The following AREL1 variants were observed in gnomAD, a reference collection of about 807,000 sequenced individuals.
The protein encoded by AREL1 is apoptosis resistant E3 ubiquitin protein ligase 1, also known as apoptosis-resistant E3 ubiquitin protein ligase 1.
A neutral mutation model predicts 99.0 loss-of-function variants in AREL1; 62 were observed. The ratio of observed to expected loss-of-function variants is 0.63; its 90% confidence interval spans 0.51 to 0.77. The LOEUF (loss-of-function observed/expected upper bound fraction) is 0.77, where lower values mean the gene tolerates loss of function less well. Among genes scored for constraint, AREL1 ranks in the 30% least tolerant of loss-of-function variants. The pLI, the probability that AREL1 is intolerant of heterozygous loss-of-function variation, is 0.00. For missense variants in AREL1, 879 were observed against 1,027.6 expected (o/e 0.86, Z 1.98); for synonymous variants, 380 against 376.5 (o/e 1.01, Z -0.11).
rs755695104 is a variant in AREL1, at chr14:74,713,041, A to G, written c.-442T>C. On this transcript the variant is annotated 5_prime_UTR_variant, in exon 1 of 20. Coordinates refer to ENST00000356357, the MANE Select transcript of AREL1 (RefSeq NM_001039479.2). ...CCACTCTCCCACCAACAGACCCCAG[A>G]GTTGGTCTCCACCCGGCCTGGGAAC... 7.9e-7 allele frequency: 1 copy of G among 1,262,232 alleles called. No individual in the cohort carries two copies. The highest frequency in any genetic ancestry group is 2.3e-5 in the East Asian group (1 of 42,992). 78.2% of individuals were successfully genotyped at this position (1,262,232 alleles called of 1,614,324 possible).
chr14:74,688,321 G>A (rs907091323), intron 2 of AREL1, among the ~76,000 whole-genome samples: 8 of 151,932 alleles, frequency 5.3e-5, no homozygotes, highest in South Asian at 2.1e-4. Context: ...CACCACGCCC[G>A]GCCCTGAGTA....
intron 1 of AREL1, among the ~76,000 whole-genome samples, chr14:74,711,289 C>A (rs1176127869): frequency 2.0e-5 from 3 of 150,044 alleles, no homozygotes; most frequent in Non-Finnish European, 4.4e-5. Context: ...TCTGTAATCC[C>A]AGAACTTTGG....
rs71449202 is a variant in AREL1, at chr14:74,666,718, A to ATT, written c.2103+599_2103+600dup. ...TATTAACATTCTTTACTACTCATTGATTTTTTTTTTTTTTTTTTTGAGACA... is the reference window on the plus strand; with the variant it reads ...TATTAACATTCTTTACTACTCATTGATTTTTTTTTTTTTTTTTTTTTGAGACA... On this transcript the variant is annotated intron_variant, in intron 17 of 19. Transcript: ENST00000356357. 1.9e-4 allele frequency among the ~76,000 whole-genome samples: 25 copies of ATT among 131,976 alleles called. 1 individual carries two copies. Among genetic ancestry groups the ATT allele is most frequent in the African/African-American group, 3.1e-4 (11 of 34,978 alleles). 86.6% of individuals were successfully genotyped at this position (131,976 alleles called of 152,430 possible). A position where few individuals can be genotyped will look rare whatever the true frequency, so the allele number is the denominator to read the frequency against.
rs745630286 is a variant in AREL1 at position 74,684,093 on chromosome 14, G to A, written c.243+361C>T. Among the ~76,000 whole-genome samples, 90 of 152,200 alleles carry A rather than the reference G, an allele frequency of 5.9e-4. 1 individual carries two copies. Among genetic ancestry groups the A allele is most frequent in the Non-Finnish European group, 6.0e-4 (41 of 68,040 alleles). On this transcript the variant is annotated intron_variant, in intron 4 of 19. Transcript: ENST00000356357. Reference sequence around the variant, plus strand: ...ACTCAACTGTCATAACTACTCAGGTGTGAAAACAGCCATAGTCAATACATG... The same window carrying A: ...ACTCAACTGTCATAACTACTCAGGTATGAAAACAGCCATAGTCAATACATG...
intron 1 of AREL1, among the ~76,000 whole-genome samples, chr14:74,701,259 GA>G (rs1280816350): frequency 3.3e-5 from 5 of 151,822 alleles, no homozygotes; most frequent in South Asian, 2.1e-4. Context: ...AAGCAAACAT[GA>G]AAAAAAAGAT....
chr14:74,665,742 C>G (rs181156639), intron 17 of AREL1, among the ~76,000 whole-genome samples: 2 of 152,278 alleles, frequency 1.3e-5, no homozygotes, highest in East Asian at 3.9e-4. Context: ...TAATTTGGTT[C>G]AGGATCCAGC....
chr14:74,697,149 C>CACACAT (rs1376434113), intron 1 of AREL1, among the ~76,000 whole-genome samples: 4 of 149,378 alleles, frequency 2.7e-5, no homozygotes, highest in Non-Finnish European at 4.4e-5. Flanking sequence ...GAGATCCTGT[C>CACACAT]ACACATACAC....
intron 2 of AREL1, among the ~76,000 whole-genome samples, chr14:74,688,238 G>A (rs1439438945): frequency 6.6e-6 from 1 of 151,760 alleles, no homozygotes; most frequent in Admixed American, 6.6e-5. Flanking sequence ...TGTTAGCCAG[G>A]ATGGTCTCGA....
intron 4 of AREL1, 87 bp downstream of exon 4, chr14:74,684,367 T>C: frequency 8.4e-7 from 1 of 1,189,060 alleles, no homozygotes; most frequent in Non-Finnish European, 1.2e-6. Context: ...CAAGAGAAAA[T>C]GTTAACATTC....
chr14:74,664,320 T>TG (rs1286870194), intron 18 of AREL1, among the ~76,000 whole-genome samples: 1 of 152,194 alleles, frequency 6.6e-6, no homozygotes, highest in Non-Finnish European at 1.5e-5. Context: ...GCAGTCAGCA[T>TG]GACAGCCCTT....
At position 74,681,331 on chromosome 14, in the gene AREL1, C is replaced by G. The variant is rs2089621827; in HGVS notation, c.481+1965G>C. On this transcript the variant is annotated intron_variant, in intron 5 of 19. Coordinates refer to ENST00000356357, the MANE Select transcript of AREL1 (RefSeq NM_001039479.2). ...ACCAACTACTGATACACTCAGTAAC[C>G]TGGATGAATCTCCAGAAAATTATGC... Among the ~76,000 whole-genome samples the G allele has an allele frequency of 2.0e-5, 3 of 152,206 alleles. No individual in the cohort carries two copies. The South Asian group carries it at 6.2e-4, about 31-fold the overall frequency.
At chr14:74,710,883 T>C (rs1178515926) in intron 1 of AREL1, among the ~76,000 whole-genome samples, 2 of 152,136 alleles carry the variant, frequency 1.3e-5, no homozygotes, top group Non-Finnish European at 2.9e-5. Flanking sequence ...CCTGAAAACT[T>C]AATGTTTTGA....
At chr14:74,684,423 A>C in intron 4 of AREL1, 31 bp downstream of exon 4, 2 of 1,602,420 alleles carry the variant, frequency 1.2e-6, no homozygotes, top group Non-Finnish European at 1.7e-6. Context: ...CAGAAACCCC[A>C]ATGGGTATGG....
chr14:74,689,040 G>A (rs1337309504), intron 2 of AREL1, among the ~76,000 whole-genome samples: 1 of 150,590 alleles, frequency 6.6e-6, no homozygotes, highest in African/African-American at 2.4e-5. Context: ...TAGAGACAGG[G>A]TTTCACCATG....
rs542571230 is a variant in AREL1, at chr14:74,688,993, C to T, written c.-46+3048G>A. ...CTGGGATTACAGGTGCCCACCACCA[C>T]GCCAGGCTAATTTTTTGTATTTTTT... is the stretch of plus-strand genomic sequence containing the variant. On this transcript the variant is annotated intron_variant, in intron 2 of 19. Transcript: ENST00000356357. Among the ~76,000 whole-genome samples, 118 of 151,504 alleles carry T rather than the reference C, an allele frequency of 7.8e-4. 1 individual carries two copies. The highest frequency in any genetic ancestry group is 2.4e-3 in the African/African-American group (98 of 41,340).
At chr14:74,664,132 C>T (rs2089154036) in intron 18 of AREL1, 58 bp from the exon 19 acceptor site, 15 of 1,557,436 alleles carry the variant, frequency 9.6e-6, no homozygotes, top group Non-Finnish European at 1.3e-5. Context: ...GGATTAGATC[C>T]CTGGGGAAGG....
chr14:74,696,372 A>G (rs1229823042), intron 1 of AREL1, among the ~76,000 whole-genome samples: 2 of 152,212 alleles, frequency 1.3e-5, no homozygotes, highest in African/African-American at 4.8e-5. Context: ...CCCATACCCC[A>G]ATTAGGAATT....
intron 1 of AREL1, among the ~76,000 whole-genome samples, chr14:74,705,861 T>C (rs1566705852): frequency 6.6e-6 from 1 of 152,116 alleles, no homozygotes; most frequent in South Asian, 2.1e-4. Flanking sequence ...GTCCCTGGAG[T>C]TGTTTGCCAT....
At position 74,684,646 on chromosome 14, in the gene AREL1, G is replaced by C. The variant is rs539029846; in HGVS notation, c.51C>G (p.Phe17Leu). Reference sequence around the variant, plus strand: ...CAAGCTCAAAGAGGAACTTAATTGTGAAGAAGAATGCAACCACAGACACTG... The same window carrying C: ...CAAGCTCAAAGAGGAACTTAATTGTCAAGAAGAATGCAACCACAGACACTG... ...GITVSVVAFF[F>L]TIKFLFELAA... The change falls in exon 4 of 20, where the codon TTC becomes TTG. Residue 17 changes from phenylalanine to leucine, a missense_variant. By Grantham distance (22) the Phe-to-Leu change is conservative (BLOSUM62 0). Coordinates refer to ENST00000356357, the MANE Select transcript of AREL1 (RefSeq NM_001039479.2). 3.6e-5 allele frequency: 58 copies of C among 1,614,168 alleles called. 1 individual carries two copies. In the East Asian group the frequency reaches 1.3e-3, roughly 36 times the overall value.
Sources: allele counts gnomAD v4.1 joint callset (sites outside exome capture counted in the v4.1 genomes callset), GRCh38; gene constraint gnomAD v4.1.1; transcripts MANE v1.5; gene names NCBI Gene and HGNC (gene_info 2026-07-23, HGNC 2026-07-21).